Variants in ANPEP observed in about 807,000 individuals in gnomAD.
The protein encoded by ANPEP is alanyl aminopeptidase, membrane.
In ANPEP, 70 loss-of-function variants were observed where a neutral mutation model predicts 114.6. The observed-to-expected ratio is 0.61, with a 90% CI of 0.50 to 0.75. ANPEP has a LOEUF of 0.75. Among genes scored for constraint, ANPEP ranks in the 30% least tolerant of loss-of-function variants. ANPEP has a pLI of 0.00. For synonymous variants in ANPEP, 548 were observed against 522.3 expected (o/e 1.05, Z -0.67); for missense variants, 1,184 against 1,259.5 (o/e 0.94, Z 0.91).
At chr15:89,798,323 A>T (rs1392592705) in intron 14 of ANPEP, among the ~76,000 whole-genome samples, 1 of 152,168 alleles carries the variant, frequency 6.6e-6, no homozygotes, top group Non-Finnish European at 1.5e-5. Context: ...ACAGTGGCCC[A>T]GCATAGTCAG....
intron 20 of ANPEP, among the ~76,000 whole-genome samples, chr15:89,786,180 T>C (rs8025757): frequency 0.077 from 11,648 of 152,108 alleles, 525 homozygotes; most frequent in Middle Eastern, 0.14. Context: ...AAGAATAAAA[T>C]ATTTAGGAAT....
intron 1 of ANPEP, among the ~76,000 whole-genome samples, chr15:89,810,588 AAAAAG>A (rs1398634882): frequency 6.6e-6 from 1 of 151,844 alleles, no homozygotes; most frequent in Admixed American, 6.6e-5. Flanking sequence ...AAGAAAAAAA[AAAAAG>A]AAAAAGAAAA....
rs1429737209 is a variant in ANPEP at position 89,806,419 on chromosome 15, G to A, written c.165C>T (p.Ala55=). The A allele has an allele frequency of 2.5e-6, 4 of 1,613,994 alleles. No individual in the cohort carries two copies. Among genetic ancestry groups the A allele is most frequent in the Non-Finnish European group, 3.4e-6 (4 of 1,180,006 alleles). ...PVASTTPSAS[A]TTNPASATTL... ...TGGTGGCCGAGGCGGGGTTGGTGGT[G>A]GCTGAGGCGGACGGGGTGGTGGAGG... Residue 55 remains alanine (A), a synonymous_variant, in exon 2 of 21, where the codon GCC becomes GCT. Transcript: ENST00000300060. The surrounding 1 kb of genome is among the most constrained non-coding windows in gnomAD (Gnocchi z 5.7).
chr15:89,801,718 G>GGCCT, intron 10 of ANPEP, 111 bp from the exon 11 acceptor site: 1 of 1,278,562 alleles, frequency 7.8e-7, no homozygotes, highest in Non-Finnish European at 1.1e-6. Flanking sequence ...TTGTATGGGA[G>GGCCT]GCCTGGGAAG....
At chr15:89,800,066 G>A (rs1436670680) in intron 12 of ANPEP, among the ~76,000 whole-genome samples, 1 of 152,106 alleles carries the variant, frequency 6.6e-6, no homozygotes, top group Non-Finnish European at 1.5e-5. Context: ...CCAATAGGTT[G>A]CTCATTTCCC....
intron 14 of ANPEP, 107 bp from the exon 15 acceptor site, chr15:89,797,829 T>C: frequency 6.9e-7 from 1 of 1,456,160 alleles, no homozygotes; most frequent in Non-Finnish European, 9.4e-7. Context: ...CTAGGCCCCC[T>C]GTATCCACTC....
intron 12 of ANPEP, among the ~76,000 whole-genome samples, chr15:89,800,283 C>G (rs1894561146): frequency 6.6e-6 from 1 of 152,190 alleles, no homozygotes; most frequent in Admixed American, 6.5e-5. Context: ...CTCAGCTCAC[C>G]TCCTCCGGGA....
At position 89,803,159 on chromosome 15, in the gene ANPEP, T is replaced by C. The variant is rs985993722; in HGVS notation, c.1569+80A>G. 1.0e-5 allele frequency: 15 copies of C among 1,489,688 alleles called. No individual in the cohort carries two copies. Among genetic ancestry groups the C allele is most frequent in the Admixed American group, 5.0e-5 (3 of 59,806 alleles). 92.3% of individuals were successfully genotyped at this position (1,489,688 alleles called of 1,614,324 possible). On this transcript the variant is annotated intron_variant, in intron 10 of 20. Transcript: ENST00000300060. The surrounding 1 kb of genome is among the most constrained non-coding windows in gnomAD (Gnocchi z 4.2). ...AGCCGCGGAGCTGGACCCATTCTCT[T>C]ACGCATGTGCTGCCCCCAGGTACCT...
At chr15:89,790,859 GT>G (rs1233137472) in intron 19 of ANPEP, 93 bp downstream of exon 19, 2 of 1,493,648 alleles carry the variant, frequency 1.3e-6, no homozygotes, top group Non-Finnish European at 1.8e-6. Flanking sequence ...TCCACTTCTG[GT>G]TAGTGCCCCC....
Position 89,792,578 on chromosome 15 carries a change from C to T in ANPEP, c.2250-16G>A, listed in dbSNP as rs1030319019. ...CTCGCTGTACCTGCCCCAGGGGTGA[C>T]ACGCGGTTAGCACACCTGGCGAACT... On this transcript the variant is annotated splice_polypyrimidine_tract_variant and intron_variant, in intron 16 of 20. Coordinates refer to ENST00000300060, the MANE Select transcript of ANPEP (RefSeq NM_001150.3). 2 of 1,609,362 alleles carry T rather than the reference C, an allele frequency of 1.2e-6. No homozygotes were observed. Among genetic ancestry groups the T allele is most frequent in the Admixed American group, 1.7e-5 (1 of 59,970 alleles).
rs1894681963 is a variant in ANPEP, at chr15:89,805,133, G to C, written c.842C>G (p.Ala281Gly). 6.2e-7 allele frequency: 1 copy of C among 1,614,110 alleles called. No individual in the cohort carries two copies. ...GTAGTCGAACTCACTGACAATGAAG[G>C]CCAGCAAGTACGTGGACATCTTGGG... ...TTPKMSTYLL[A>G]FIVSEFDYVE... is the part of the protein sequence containing the mutation. Residue 281 changes from alanine to glycine, a missense_variant, in exon 4 of 21, where the codon GCC (alanine) becomes GGC (glycine). Ala to Gly is a moderately conservative substitution (Grantham distance 60). Transcript: ENST00000300060.
chr15:89,792,099 C>G, intron 18 of ANPEP, 61 bp downstream of exon 18: 1 of 1,566,146 alleles, frequency 6.4e-7, no homozygotes, highest in Non-Finnish European at 8.7e-7. Flanking sequence ...AGTGTGGAGG[C>G]CTGCCTGGTT....
At chr15:89,794,105 G>T (rs750483950) in intron 15 of ANPEP, among the ~76,000 whole-genome samples, 1 of 152,238 alleles carries the variant, frequency 6.6e-6, no homozygotes, top group Non-Finnish European at 1.5e-5. Context: ...GATGTACCAG[G>T]CTTGGCAGAG....
chr15:89,795,779 G>A (rs1968715728), intron 15 of ANPEP, among the ~76,000 whole-genome samples: 1 of 152,222 alleles, frequency 6.6e-6, no homozygotes, highest in Admixed American at 6.5e-5. Context: ...ACTCCTGGAA[G>A]ATGTATTCCC....
intron 14 of ANPEP, among the ~76,000 whole-genome samples, chr15:89,798,795 C>T (rs546794361): frequency 1.3e-5 from 2 of 152,264 alleles, no homozygotes; most frequent in Admixed American, 6.5e-5. Context: ...CAAAAATTAG[C>T]TGGGCATGGT....
At chr15:89,797,312 A>G in intron 15 of ANPEP, 1 of 389,208 alleles carries the variant, frequency 2.6e-6, no homozygotes, top group Non-Finnish European at 4.6e-6. Context: ...CGCGACCTTT[A>G]TTGTTTTGCC....
In ANPEP at chr15:89,803,610, A is replaced by G. The variant is rs981361916; in HGVS notation, c.1437+37T>C. ...TGAGGCCCCTCCAGGCCAAGTCCCC[A>G]CCTCCTTCCCCGTGCCCCACGAGGA... On this transcript the variant is annotated intron_variant, in intron 8 of 20. Coordinates refer to ENST00000300060, the MANE Select transcript of ANPEP (RefSeq NM_001150.3). The surrounding 1 kb of genome is among the most constrained non-coding windows in gnomAD (Gnocchi z 4.2). 1 of 1,602,848 alleles carries G rather than the reference A, an allele frequency of 6.2e-7. No homozygotes were observed.
chr15:89,804,681 G>A, intron 4 of ANPEP, 64 bp from the exon 5 acceptor site: 2 of 1,583,840 alleles, frequency 1.3e-6, no homozygotes, highest in Middle Eastern at 2.1e-4. Flanking sequence ...GGTGGGCTGG[G>A]TCCCAGGGCC....
At chr15:89,792,403 G>A (rs1968648162) in intron 17 of ANPEP, 49 bp downstream of exon 17, 3 of 1,612,818 alleles carry the variant, frequency 1.9e-6, no homozygotes, top group South Asian at 2.2e-5. Flanking sequence ...GGACGGGGCT[G>A]TTGGGGGCAG....
Sources: gnomAD v4.1 joint callset for allele counts (sites outside exome capture counted in the v4.1 genomes callset) on GRCh38, gnomAD v4.1.1 for gene constraint, Gnocchi (gnomAD v3.1) non-coding constraint, MANE v1.5 for transcripts, NCBI Gene and HGNC (gene_info 2026-07-23, HGNC 2026-07-21) for gene names.